The following INPP5A variants were observed in gnomAD, a reference collection of about 807,000 sequenced individuals.
INPP5A encodes the protein inositol polyphosphate-5-phosphatase A.
INPP5A carries 14 observed loss-of-function variants against 65.2 expected under a neutral mutation model. The observed-to-expected ratio is 0.21, with a 90% confidence interval of 0.14 to 0.34. INPP5A has a LOEUF of 0.34. Ranked by LOEUF, INPP5A falls within the 10% of genes least tolerant of loss-of-function variation. The pLI, the probability that INPP5A is intolerant of heterozygous loss-of-function variation, is 1.00. For missense variants in INPP5A, 431 were observed against 545.6 expected, an observed-to-expected ratio of 0.79 and a Z score of 2.09; for synonymous variants, 207 against 208.3, an observed-to-expected ratio of 0.99 and a Z score of 0.05.
chr10:132,742,196 T>A (rs1846286704), intron 9 of INPP5A, among the ~76,000 whole-genome samples: 1 of 152,262 alleles, frequency 6.6e-6, no homozygotes. Flanking sequence ...CTGTTCCTGA[T>A]GGATGAATCC....
Position 132,551,804 on chromosome 10 carries a change from G to T in INPP5A, c.75+13633G>T, listed in dbSNP as rs138860688. 0.015 allele frequency among the ~76,000 whole-genome samples: 2,262 copies of T among 152,332 alleles called. 30 individuals carry two copies. Among genetic ancestry groups the T allele is most frequent in the South Asian group, 0.038 (183 of 4,828 alleles). On this transcript the variant is annotated intron_variant, in intron 1 of 15. Coordinates refer to ENST00000368594, the MANE Select transcript of INPP5A (RefSeq NM_005539.5). This position sits in a 1 kb window ranked among gnomAD's most constrained non-coding sequence, Gnocchi z 5.3. Reference sequence around the variant, plus strand: ...GGGGGACAGAGGCAGGACTGACCAAGACTGTCAGAAGAGCCAGCCGGGGTC... The same window carrying T: ...GGGGGACAGAGGCAGGACTGACCAATACTGTCAGAAGAGCCAGCCGGGGTC...
chr10:132,698,166 A>G lies in INPP5A; in HGVS notation c.474+247A>G, dbSNP rs1385351969. Among the ~76,000 whole-genome samples the G allele has an allele frequency of 6.6e-6, 1 of 152,202 alleles. No individual in the cohort carries two copies. The highest frequency in any genetic ancestry group is 1.5e-5 in the Non-Finnish European group (1 of 68,032). ...AAGTTCCTGAATCCTCATATCCAGG[A>G]GAAAGAACCTTCGCCAAAAGATGTA... On this transcript the variant is annotated intron_variant, in intron 6 of 15. Transcript: ENST00000368594. This position sits in a 1 kb window ranked among gnomAD's most constrained non-coding sequence, Gnocchi z 5.5.
At chr10:132,617,001 A>G (rs1183203903) in intron 2 of INPP5A, among the ~76,000 whole-genome samples, 2 of 152,092 alleles carry the variant, frequency 1.3e-5, no homozygotes, top group Admixed American at 6.5e-5. Context: ...CCCTGGGGTC[A>G]GATGCAGGCC....
intron 2 of INPP5A, among the ~76,000 whole-genome samples, chr10:132,629,893 G>A (rs750109346): frequency 6.6e-6 from 1 of 152,154 alleles, no homozygotes; most frequent in African/African-American, 2.4e-5. Context: ...ACAATCATAA[G>A]GGGAAAGTGT....
intron 2 of INPP5A, among the ~76,000 whole-genome samples, chr10:132,614,541 C>T (rs1033606413): frequency 1.3e-5 from 2 of 152,222 alleles, no homozygotes; most frequent in Non-Finnish European, 2.9e-5. Context: ...GTCCTGTCCA[C>T]CCGTCCAGGT....
intron 8 of INPP5A, among the ~76,000 whole-genome samples, chr10:132,724,336 A>C (rs1845946751): frequency 1.3e-5 from 2 of 152,212 alleles, no homozygotes; most frequent in African/African-American, 4.8e-5. Context: ...CCTGCTCTAC[A>C]CCTTAATTCC....
chr10:132,553,942 T>C (rs574311944), intron 1 of INPP5A, among the ~76,000 whole-genome samples: 3 of 147,158 alleles, frequency 2.0e-5, no homozygotes, highest in South Asian at 4.4e-4. Flanking sequence ...TTGGGTAGGA[T>C]AGGGAGGGAG....
At chr10:132,584,532 A>G (rs967698948) in intron 1 of INPP5A, among the ~76,000 whole-genome samples, 1 of 152,226 alleles carries the variant, frequency 6.6e-6, no homozygotes, top group Non-Finnish European at 1.5e-5. Flanking sequence ...AGTCTACTTC[A>G]TGTAAATTAT....
At chr10:132,645,783 C>T in intron 2 of INPP5A, 85 bp from the exon 3 acceptor site, 1 of 1,038,850 alleles carries the variant, frequency 9.6e-7, no homozygotes, top group Non-Finnish European at 1.4e-6. Context: ...GGCTCCCAGG[C>T]TGTGGGGGCG....
intron 1 of INPP5A, among the ~76,000 whole-genome samples, chr10:132,569,219 C>T (rs2071308448): frequency 1.3e-5 from 2 of 152,104 alleles, no homozygotes; most frequent in Non-Finnish European, 2.9e-5. Context: ...ATACTTTCTA[C>T]ATGTTTTTCT....
chr10:132,615,551 G>A (rs978806722), intron 2 of INPP5A, among the ~76,000 whole-genome samples: 3 of 151,966 alleles, frequency 2.0e-5, no homozygotes, highest in East Asian at 1.9e-4. Context: ...AGTTCACTGC[G>A]CTTGGTTTGA....
chr10:132,723,452 GTGTGGGGATTGGCCA>G lies in INPP5A; in HGVS notation c.648-3354_648-3340del, dbSNP rs1270007476. On this transcript the variant is annotated intron_variant, in intron 8 of 15. Coordinates refer to ENST00000368594, the MANE Select transcript of INPP5A (RefSeq NM_005539.5). ...ATGCTTGGCCATGTGGGGATTGGCCGTGTGGGGATTGGCCATGTGGGGATTGGCCGTGTGGGGATT... is the reference window on the plus strand; with the variant it reads ...ATGCTTGGCCATGTGGGGATTGGCCGTGTGGGGATTGGCCGTGTGGGGATT... Among the ~76,000 whole-genome samples, 552 of 142,720 alleles carry G rather than the reference GTGTGGGGATTGGCCA, an allele frequency of 3.9e-3. 4 individuals are homozygous for G. Among genetic ancestry groups the G allele is most frequent in the African/African-American group, 0.011 (390 of 35,976 alleles). 93.6% of individuals were successfully genotyped at this position (142,720 alleles called of 152,430 possible).
intron 4 of INPP5A, among the ~76,000 whole-genome samples, chr10:132,662,931 C>G (rs759771066): frequency 6.6e-6 from 1 of 152,194 alleles, no homozygotes; most frequent in Non-Finnish European, 1.5e-5. Flanking sequence ...TCCAGTTACA[C>G]GTCACATGGG....
At chr10:132,767,344 G>A (rs1846866492) in intron 12 of INPP5A, among the ~76,000 whole-genome samples, 1 of 13,374 alleles carries the variant, frequency 7.5e-5, no homozygotes, top group African/African-American at 1.4e-4. Flanking sequence ...TGGAGGATGT[G>A]TCCTCAGCTT....
chr10:132,586,731 T>A lies in INPP5A; in HGVS notation c.76-21184T>A, dbSNP rs2071550026. Among the ~76,000 whole-genome samples, 7 of 152,364 alleles carry A rather than the reference T, an allele frequency of 4.6e-5. No individual in the cohort carries two copies. In the South Asian group the frequency reaches 1.4e-3, roughly 32 times the overall value. ...TCTTCTGTGCTTCCCTCCCGCTGAA[T>A]TTCCCCAAATTTCTGAAACAAGTAT... On this transcript the variant is annotated intron_variant, in intron 1 of 15. Transcript: ENST00000368594.
At chr10:132,721,688 C>T (rs919379288) in intron 8 of INPP5A, among the ~76,000 whole-genome samples, 2 of 124,198 alleles carry the variant, frequency 1.6e-5, no homozygotes, top group Non-Finnish European at 3.4e-5. Context: ...AGCTGTCTTG[C>T]GGGTTCTGTG....
intron 4 of INPP5A, among the ~76,000 whole-genome samples, chr10:132,679,735 G>T (rs1357899445): frequency 6.6e-6 from 1 of 152,200 alleles, no homozygotes; most frequent in African/African-American, 2.4e-5. Context: ...GTTCACAGAA[G>T]AAACTTAAAT....
At chr10:132,722,215 T>C (rs1845897631) in intron 8 of INPP5A, among the ~76,000 whole-genome samples, 2 of 152,142 alleles carry the variant, frequency 1.3e-5, no homozygotes, top group African/African-American at 4.8e-5. Flanking sequence ...AGATTCCCAA[T>C]TGTACACAAC....
At chr10:132,617,163 C>T (rs931766222) in intron 2 of INPP5A, among the ~76,000 whole-genome samples, 11 of 152,190 alleles carry the variant, frequency 7.2e-5, no homozygotes, top group Admixed American at 1.3e-4. Context: ...CTCCCAGTGA[C>T]GAGCTGAGGT....
Sources: gnomAD v4.1 joint callset for allele counts (sites outside exome capture counted in the v4.1 genomes callset) on GRCh38, gnomAD v4.1.1 for gene constraint, Gnocchi (gnomAD v3.1) non-coding constraint, MANE v1.5 for transcripts, NCBI Gene and HGNC (gene_info 2026-07-23, HGNC 2026-07-21) for gene names.